RAI14: variants seen among roughly 807,000 people sequenced by gnomAD.
RAI14 encodes the protein retinoic acid induced 14.
Under a neutral mutation model 115.4 loss-of-function variants are expected in RAI14, and 45 were observed. The observed-to-expected ratio is 0.39, with a 90% CI of 0.31 to 0.50. The LOEUF (loss-of-function observed/expected upper bound fraction) is 0.50, where lower values mean the gene tolerates loss of function less well. Among genes scored for constraint, RAI14 ranks in the 20% least tolerant of loss-of-function variants. The pLI, the probability that RAI14 is intolerant of heterozygous loss-of-function variation, is 0.85. For missense variants in RAI14, 939 were observed against 1,131.2 expected (o/e 0.83, Z 2.44); for synonymous variants, 371 against 415.4 (o/e 0.89, Z 1.30).
At chr5:34,729,389 C>A (rs143704087) in intron 2 of RAI14, among the ~76,000 whole-genome samples, 1,718 of 152,168 alleles carry the variant, frequency 0.011, 13 homozygotes, top group Middle Eastern at 0.017. Flanking sequence ...CATGGGGCTT[C>A]ATTATATTCT....
Position 34,681,545 on chromosome 5 carries a change from A to G in RAI14, c.-48-5327A>G, listed in dbSNP as rs564833211. 2.2e-3 allele frequency among the ~76,000 whole-genome samples: 329 copies of G among 152,258 alleles called. 1 individual carries two copies. Among genetic ancestry groups the G allele is most frequent in the African/African-American group, 7.3e-3 (304 of 41,542 alleles). ...AGTCTCACTCTTTCATCCAGGCTGA[A>G]GTGCAGTAGCATGATCATGGCTCAC... On this transcript the variant is annotated intron_variant, in intron 1 of 17. Transcript: ENST00000265109.
In RAI14 at chr5:34,791,040, A is replaced by G. The variant is rs1204358403; in HGVS notation, c.168-4899A>G. On this transcript the variant is annotated intron_variant, in intron 3 of 17. Transcript: ENST00000265109. The surrounding 1 kb of genome is among the most constrained non-coding windows in gnomAD (Gnocchi z 5.4). ...GGTTCAGGAGCTGATACATTTTTGT[A>G]TTTTCTGAGAGTCTTAATTACATTT... is the stretch of plus-strand genomic sequence containing the variant. Among the ~76,000 whole-genome samples the G allele has an allele frequency of 6.6e-6, 1 of 151,962 alleles. No homozygotes were observed.
At chr5:34,669,378 T>C (rs572698387) in intron 1 of RAI14, among the ~76,000 whole-genome samples, 14 of 152,374 alleles carry the variant, frequency 9.2e-5, no homozygotes, top group Non-Finnish European at 1.8e-4. Context: ...GCTTTCTTTC[T>C]GTCTCTTGTT....
chr5:34,750,647 A>T (rs1423054451), intron 2 of RAI14, among the ~76,000 whole-genome samples: 1 of 152,074 alleles, frequency 6.6e-6, no homozygotes, highest in African/African-American at 2.4e-5. Flanking sequence ...GAAATAAATC[A>T]CATATGGAGA....
At chr5:34,743,969 ACT>A (rs1478616137) in intron 2 of RAI14, among the ~76,000 whole-genome samples, 2 of 152,306 alleles carry the variant, frequency 1.3e-5, no homozygotes, top group Non-Finnish European at 2.9e-5. Context: ...TTGGTCCTCG[ACT>A]CTGACTATTT....
chr5:34,718,802 G>A (rs1208097447), intron 2 of RAI14, among the ~76,000 whole-genome samples: 1 of 152,162 alleles, frequency 6.6e-6, no homozygotes, highest in African/African-American at 2.4e-5. Context: ...AACCTCCTAG[G>A]GGTTTTGGAG....
chr5:34,774,979 C>T (rs1390427798), intron 3 of RAI14, among the ~76,000 whole-genome samples: 1 of 152,096 alleles, frequency 6.6e-6, no homozygotes, highest in Non-Finnish European at 1.5e-5. Flanking sequence ...CTACAGTAAA[C>T]TCATTTTTGA....
In RAI14 at chr5:34,830,910, C is replaced by A; in HGVS notation, c.*145C>A. 7.0e-7 allele frequency: 1 copy of A among 1,429,218 alleles called. No individual in the cohort carries two copies. Among genetic ancestry groups the A allele is most frequent in the Non-Finnish European group, 9.3e-7 (1 of 1,081,018 alleles). 88.5% of individuals were successfully genotyped at this position (1,429,218 alleles called of 1,614,324 possible). On this transcript the variant is annotated 3_prime_UTR_variant, in exon 18 of 18. Transcript: ENST00000265109. The stretch of plus-strand genomic sequence containing the variant: ...TTCCCTTTCCAAAGGTTTCTGAGGA[C>A]TTCTCCCAGGAGAAGACTGCCCGCC...
intron 1 of RAI14, among the ~76,000 whole-genome samples, chr5:34,668,134 G>A (rs1008425691): frequency 1.3e-5 from 2 of 152,120 alleles, no homozygotes; most frequent in Non-Finnish European, 1.5e-5. Context: ...GGACTCACGC[G>A]TATAATCCCA....
intron 3 of RAI14, among the ~76,000 whole-genome samples, chr5:34,767,591 G>GCCCCCACCACCCCCACCACCCCCACCA (rs574133836): frequency 8.2e-4 from 96 of 116,830 alleles, no homozygotes; most frequent in Non-Finnish European, 1.5e-3. Context: ...CACCGCCACC[G>GCCCCCACCACCCCCACCACCCCCACCA]CCCCCACCAC....
intron 3 of RAI14, among the ~76,000 whole-genome samples, chr5:34,777,563 T>A (rs1422467161): frequency 6.6e-6 from 1 of 152,124 alleles, no homozygotes; most frequent in Non-Finnish European, 1.5e-5. Flanking sequence ...GTGGATCTTC[T>A]GAGGTCAGGA....
Position 34,796,035 on chromosome 5 carries a change from G to GT in RAI14, c.256+13dup. 6.3e-7 allele frequency: 1 copy of GT among 1,597,148 alleles called. No individual in the cohort carries two copies. Among genetic ancestry groups the GT allele is most frequent in the Non-Finnish European group, 8.6e-7 (1 of 1,165,326 alleles). On this transcript the variant is annotated intron_variant, in intron 4 of 17. Transcript: ENST00000265109. The stretch of plus-strand genomic sequence containing the variant: ...CAGCCCAAGATACTACCGGTATGTG[G>GT]TTTTTAGTCTCTTAAGTCAGCAGGC...
intron 3 of RAI14, among the ~76,000 whole-genome samples, chr5:34,766,474 C>T (rs548561916): frequency 1.1e-3 from 174 of 152,250 alleles, no homozygotes; most frequent in African/African-American, 3.6e-3. Context: ...TTGATTGCCC[C>T]GCTGGATTTC....
intron 3 of RAI14, among the ~76,000 whole-genome samples, chr5:34,784,826 C>T (rs1752100158): frequency 6.6e-6 from 1 of 152,166 alleles, no homozygotes. Flanking sequence ...AGGATCTCCT[C>T]TAAGAATAGA....
intron 2 of RAI14, among the ~76,000 whole-genome samples, chr5:34,721,192 C>G (rs1443790469): frequency 6.6e-6 from 1 of 151,030 alleles, no homozygotes; most frequent in Non-Finnish European, 1.5e-5. Context: ...CCGTTGTTGT[C>G]CATAGATATT....
intron 2 of RAI14, among the ~76,000 whole-genome samples, chr5:34,737,862 C>T (rs1194380297): frequency 1.3e-5 from 2 of 152,190 alleles, no homozygotes; most frequent in Non-Finnish European, 2.9e-5. Context: ...TTTCTGATTT[C>T]AGATTGTTTT....
rs537051547 is a variant in RAI14 at position 34,684,018 on chromosome 5, T to C, written c.-48-2854T>C. On this transcript the variant is annotated intron_variant, in intron 1 of 17. Transcript: ENST00000265109. ...CTGGGATTACAGGCGTGAGCCACCGTGCCCGGCCGGCGATTTCCACTTTCT... is the reference window on the plus strand; with the variant it reads ...CTGGGATTACAGGCGTGAGCCACCGCGCCCGGCCGGCGATTTCCACTTTCT... Among the ~76,000 whole-genome samples, 569 of 152,298 alleles carry C rather than the reference T, an allele frequency of 3.7e-3. 4 individuals are homozygous for C. The highest frequency in any genetic ancestry group is 0.013 in the African/African-American group (529 of 41,564).
At chr5:34,773,150 C>CA (rs1365414348) in intron 3 of RAI14, among the ~76,000 whole-genome samples, 3 of 151,702 alleles carry the variant, frequency 2.0e-5, no homozygotes, top group Non-Finnish European at 4.4e-5. Flanking sequence ...GGTGCCTTGG[C>CA]AAAAAACGAT....
chr5:34,810,282 G>T (rs1755426533), intron 7 of RAI14, among the ~76,000 whole-genome samples: 1 of 152,028 alleles, frequency 6.6e-6, no homozygotes, highest in Admixed American at 6.6e-5. Flanking sequence ...TATGGTTTGT[G>T]TCAGACCTAA....
Sources: allele counts gnomAD v4.1 joint callset (sites outside exome capture counted in the v4.1 genomes callset), GRCh38; gene constraint gnomAD v4.1.1; non-coding constraint Gnocchi (gnomAD v3.1); transcripts MANE v1.5; gene names NCBI Gene and HGNC (gene_info 2026-07-23, HGNC 2026-07-21).